Variants in NRXN1 observed in about 807,000 individuals in gnomAD.
The protein encoded by NRXN1 is neurexin 1.
In NRXN1, 39 loss-of-function variants were observed where a neutral mutation model predicts 150.9. That is an observed-to-expected ratio of 0.26 (90% CI 0.20 to 0.34). The LOEUF (loss-of-function observed/expected upper bound fraction) is 0.34, where lower values mean the gene tolerates loss of function less well. Ranked by LOEUF, NRXN1 falls within the 10% of genes least tolerant of loss-of-function variation. The pLI, the probability that NRXN1 is intolerant of heterozygous loss-of-function variation, is 1.00. For synonymous variants in NRXN1, 924 were observed against 757.0 expected (o/e 1.22, Z -3.62); for missense variants, 1,815 against 1,949.9 (o/e 0.93, Z 1.30).
At chr2:50,622,366 C>T (rs1419400318) in intron 6 of NRXN1, among the ~76,000 whole-genome samples, 4 of 152,088 alleles carry the variant, frequency 2.6e-5, no homozygotes, top group Admixed American at 6.6e-5. Flanking sequence ...AAAGGAAAAC[C>T]AGAGACAATC....
intron 17 of NRXN1, among the ~76,000 whole-genome samples, chr2:50,278,353 C>T (rs1246557150): frequency 7.2e-6 from 1 of 139,398 alleles, no homozygotes; most frequent in African/African-American, 2.7e-5. Flanking sequence ...TGGGGTTTCA[C>T]CATGTTAGCC....
intron 17 of NRXN1, among the ~76,000 whole-genome samples, chr2:50,331,286 T>TA (rs2076819508): frequency 6.6e-6 from 1 of 152,126 alleles, no homozygotes; most frequent in Non-Finnish European, 1.5e-5. Context: ...TTTTTTACCT[T>TA]AAAAAATACA....
At chr2:51,029,613 A>G (rs754270075) in intron 1 of NRXN1, among the ~76,000 whole-genome samples, 4 of 152,248 alleles carry the variant, frequency 2.6e-5, no homozygotes, top group Admixed American at 1.3e-4. Context: ...AGATTTTACA[A>G]TTGGCAAATT....
At chr2:50,830,340 C>G (rs1424243458) in intron 5 of NRXN1, among the ~76,000 whole-genome samples, 2 of 152,054 alleles carry the variant, frequency 1.3e-5, no homozygotes, top group African/African-American at 4.8e-5. Context: ...CCCATGTTCA[C>G]TTTTGAATAA....
intron 9 of NRXN1, among the ~76,000 whole-genome samples, chr2:50,551,633 T>A (rs538669931): frequency 6.6e-6 from 1 of 152,296 alleles, no homozygotes; most frequent in Admixed American, 6.5e-5. Flanking sequence ...AATTTAGTTA[T>A]CTTCTATTAT....
intron 21 of NRXN1, among the ~76,000 whole-genome samples, chr2:49,959,624 T>G (rs1267685713): frequency 1.3e-5 from 2 of 152,200 alleles, no homozygotes; most frequent in Non-Finnish European, 1.5e-5. Flanking sequence ...GTAGAACTTG[T>G]GTGATTTATT....
At chr2:50,272,688 T>G (rs1227390358) in intron 17 of NRXN1, among the ~76,000 whole-genome samples, 1 of 152,048 alleles carries the variant, frequency 6.6e-6, no homozygotes, top group Admixed American at 6.6e-5. Flanking sequence ...CCTCTTTCAA[T>G]AGAGGCTCAA....
At chr2:50,287,937 G>C (rs981734326) in intron 17 of NRXN1, among the ~76,000 whole-genome samples, 6 of 151,852 alleles carry the variant, frequency 4.0e-5, no homozygotes, top group African/African-American at 1.5e-4. Context: ...ATTTGAATTT[G>C]GAATACAAAG....
chr2:50,563,288 T>C (rs1376644603), intron 8 of NRXN1, among the ~76,000 whole-genome samples: 1 of 152,240 alleles, frequency 6.6e-6, no homozygotes, highest in Non-Finnish European at 1.5e-5. Context: ...TTATAACGCA[T>C]AAATGAGTTT....
At chr2:50,342,653 T>C (rs1403615637) in intron 17 of NRXN1, among the ~76,000 whole-genome samples, 1 of 152,248 alleles carries the variant, frequency 6.6e-6, no homozygotes, top group Non-Finnish European at 1.5e-5. Context: ...AACAGCTTTC[T>C]AACAGTGTGC....
At chr2:50,120,885 C>G (rs994967661) in intron 18 of NRXN1, among the ~76,000 whole-genome samples, 2 of 152,166 alleles carry the variant, frequency 1.3e-5, no homozygotes, top group African/African-American at 4.8e-5. Flanking sequence ...ACTTACTGAT[C>G]ATTTGATGAG....
intron 21 of NRXN1, among the ~76,000 whole-genome samples, chr2:49,977,155 A>C (rs2152502915): frequency 6.6e-6 from 1 of 152,300 alleles, no homozygotes; most frequent in African/African-American, 2.4e-5. Context: ...AGAGATACAA[A>C]CCTAAAAAAA....
intron 5 of NRXN1, among the ~76,000 whole-genome samples, chr2:50,679,917 G>C (rs1690122557): frequency 6.6e-6 from 1 of 152,032 alleles, no homozygotes; most frequent in African/African-American, 2.4e-5. Flanking sequence ...CAGATCACTT[G>C]AGCCCAGGAG....
intron 9 of NRXN1, among the ~76,000 whole-genome samples, chr2:50,542,383 AG>A (rs1354099738): frequency 6.6e-6 from 1 of 152,186 alleles, no homozygotes; most frequent in Admixed American, 6.5e-5. Context: ...ATTTAATCCA[AG>A]AAAGACTAGA....
chr2:50,940,055 G>A (rs530865866), intron 2 of NRXN1, among the ~76,000 whole-genome samples: 25 of 152,260 alleles, frequency 1.6e-4, no homozygotes, highest in Admixed American at 8.5e-4. Flanking sequence ...ACAGACCTAC[G>A]AAATAGAATT....
intron 2 of NRXN1, among the ~76,000 whole-genome samples, chr2:50,994,073 T>C (rs766409992): frequency 1.3e-5 from 2 of 151,998 alleles, no homozygotes; most frequent in Non-Finnish European, 2.9e-5. Flanking sequence ...AAATCTTCCA[T>C]ATTTATCATT....
intron 17 of NRXN1, among the ~76,000 whole-genome samples, chr2:50,305,095 G>A (rs2074498291): frequency 1.3e-5 from 2 of 152,026 alleles, no homozygotes; most frequent in African/African-American, 4.8e-5. Flanking sequence ...CTTGTAGGGG[G>A]TGGGATGGGG....
At position 50,465,545 on chromosome 2, in the gene NRXN1, G is replaced by A; in HGVS notation, c.3261C>T (p.Cys1087=). The A allele has an allele frequency of 6.2e-7, 1 of 1,609,196 alleles. No individual in the cohort carries two copies. The highest frequency in any genetic ancestry group is 1.1e-5 in the South Asian group (1 of 90,414). ...CTTGATTGGAACATGAGTCCTCTTG[G>A]CAGGTTGTGCTGGGCCCTGCAAAAC... The part of the protein sequence containing the change: ...ERGCEGPSTT[C]QEDSCSNQGV... Residue 1087 remains cysteine (C), a synonymous_variant, in exon 17 of 23, where the codon TGC becomes TGT. Transcript: ENST00000401669.
At position 50,530,223 on chromosome 2, in the gene NRXN1, G is replaced by T. The variant is rs1049821397; in HGVS notation, c.2347+1004C>A. Among the ~76,000 whole-genome samples the T allele has an allele frequency of 2.0e-5, 3 of 152,122 alleles. No individual in the cohort carries two copies. In the South Asian group the frequency reaches 6.2e-4, roughly 32 times the overall value. On this transcript the variant is annotated intron_variant, in intron 11 of 22. Coordinates refer to ENST00000401669, the MANE Select transcript of NRXN1 (RefSeq NM_001330078.2). ...AGAGTATTTATTCTTCCTTTGATATGAGCAAAGATCTCTTAAGAAAAAAAA... is the reference window on the plus strand; with the variant it reads ...AGAGTATTTATTCTTCCTTTGATATTAGCAAAGATCTCTTAAGAAAAAAAA...
Sources: allele counts gnomAD v4.1 joint callset (sites outside exome capture counted in the v4.1 genomes callset), GRCh38; gene constraint gnomAD v4.1.1; transcripts MANE v1.5; gene names NCBI Gene and HGNC (gene_info 2026-07-23, HGNC 2026-07-21).